Variants in NUAK2 observed in about 807,000 individuals in gnomAD.
NUAK2 encodes NUAK family kinase 2.
NUAK2 carries 20 observed loss-of-function variants against 29.8 expected under a neutral mutation model. The ratio of observed to expected loss-of-function variants is 0.67; its 90% CI spans 0.47 to 0.98. NUAK2 has a LOEUF of 0.98. Among genes scored for constraint, NUAK2 ranks in the 50% least tolerant of loss-of-function variants. The pLI, the probability that NUAK2 is intolerant of heterozygous loss-of-function variation, is 0.00. For synonymous variants in NUAK2, 331 were observed against 342.6 expected, an observed-to-expected ratio of 0.97 and a Z score of 0.37; for missense variants, 719 against 834.5, an observed-to-expected ratio of 0.86 and a Z score of 1.71.
At chr1:205,321,152 T>C (rs1309183604) in intron 1 of NUAK2, among the ~76,000 whole-genome samples, 3 of 152,224 alleles carry the variant, frequency 2.0e-5, no homozygotes, top group African/African-American at 7.2e-5. Flanking sequence ...CTCCCTTTTA[T>C]TTGGCAATCA....
At chr1:205,309,629 G>A (rs1189025418) in intron 2 of NUAK2, among the ~76,000 whole-genome samples, 1 of 152,158 alleles carries the variant, frequency 6.6e-6, no homozygotes, top group Non-Finnish European at 1.5e-5. Context: ...CCTGGCCACA[G>A]TTATGTTTAT....
intron 2 of NUAK2, 40 bp downstream of exon 2, chr1:205,311,665 A>T: frequency 6.2e-7 from 1 of 1,613,024 alleles, no homozygotes. Flanking sequence ...ACATGCACAC[A>T]CATAGACCCC....
At chr1:205,317,018 C>T (rs1269582739) in intron 1 of NUAK2, among the ~76,000 whole-genome samples, 1 of 152,204 alleles carries the variant, frequency 6.6e-6, no homozygotes, top group East Asian at 1.9e-4. Flanking sequence ...TCCCTGCCTG[C>T]CTCCCATCCC....
chr1:205,311,635 A>C (rs2102254173), intron 2 of NUAK2, 70 bp downstream of exon 2: 2 of 1,577,690 alleles, frequency 1.3e-6, no homozygotes, highest in East Asian at 4.5e-5. Context: ...TGACACATGT[A>C]CATACGCATG....
chr1:205,308,207 G>A lies in NUAK2; in HGVS notation c.528C>T (p.Leu176=). The A allele has an allele frequency of 6.2e-7, 1 of 1,607,468 alleles. No homozygotes were observed. Among genetic ancestry groups the A allele is most frequent in the East Asian group, 2.2e-5 (1 of 44,508 alleles). ...CATCCAAGAGGATGTTCTCCAGCTTGAGATCTCGGTGGACAACTCTGTTCT... is the reference window on the plus strand; with the variant it reads ...CATCCAAGAGGATGTTCTCCAGCTTAAGATCTCGGTGGACAACTCTGTTCT... The part of the protein sequence containing the change: ...CHQNRVVHRD[L]KLENILLDAN... Residue 176 remains leucine, a synonymous_variant, in exon 4 of 7, where the codon CTC becomes CTT. Transcript: ENST00000367157. This position sits in a 1 kb window ranked among gnomAD's most constrained non-coding sequence, Gnocchi z 4.1.
intron 2 of NUAK2, among the ~76,000 whole-genome samples, chr1:205,311,324 T>C (rs999114266): frequency 1.3e-5 from 2 of 152,132 alleles, no homozygotes; most frequent in African/African-American, 4.8e-5. Context: ...CTCCCCCAGA[T>C]TGCTAAGGAG....
rs528319892 is a variant in NUAK2 at position 205,309,606 on chromosome 1, G to A, written c.353-874C>T. Among the ~76,000 whole-genome samples, 13 of 152,324 alleles carry A rather than the reference G, an allele frequency of 8.5e-5. No homozygotes were observed. In the South Asian group the frequency reaches 1.5e-3, roughly 17 times the overall value. On this transcript the variant is annotated intron_variant, in intron 2 of 6. Coordinates refer to ENST00000367157, the MANE Select transcript of NUAK2 (RefSeq NM_030952.3). ...CTCCCAAAGTGCTGGGATTACAGGC[G>A]TGAGCCACCGCGCCTGGCCACAGTT... is the stretch of plus-strand genomic sequence containing the variant.
At position 205,308,245 on chromosome 1, in the gene NUAK2, G is replaced by A; in HGVS notation, c.505-15C>T. On this transcript the variant is annotated splice_polypyrimidine_tract_variant and intron_variant, in intron 3 of 6. Coordinates refer to ENST00000367157, the MANE Select transcript of NUAK2 (RefSeq NM_030952.3). The surrounding 1 kb of genome is among the most constrained non-coding windows in gnomAD (Gnocchi z 4.1). ...ACAACTCTGTTCTGAAAGAAGGAGA[G>A]GGCAGTCACGGGAAGGTCACCAGGG... 6.3e-7 allele frequency: 1 copy of A among 1,581,166 alleles called. No homozygotes were observed. The highest frequency in any genetic ancestry group is 8.6e-7 in the Non-Finnish European group (1 of 1,162,006).
chr1:205,305,444 G>A, intron 5 of NUAK2, 113 bp from the exon 6 acceptor site: 2 of 1,454,088 alleles, frequency 1.4e-6, no homozygotes, highest in Non-Finnish European at 1.8e-6. Flanking sequence ...TCCTACCCAG[G>A]GGCCAAGACG....
At position 205,308,436 on chromosome 1, in the gene NUAK2, G is replaced by T; in HGVS notation, c.504+145C>A. 1.1e-6 allele frequency: 1 copy of T among 939,684 alleles called. No homozygotes were observed. Among genetic ancestry groups the T allele is most frequent in the Non-Finnish European group, 1.6e-6 (1 of 613,136 alleles). 58.2% of individuals were successfully genotyped at this position (939,684 alleles called of 1,614,324 possible). On this transcript the variant is annotated intron_variant, in intron 3 of 6. Coordinates refer to ENST00000367157, the MANE Select transcript of NUAK2 (RefSeq NM_030952.3). This position sits in a 1 kb window ranked among gnomAD's most constrained non-coding sequence, Gnocchi z 4.1. ...GAAGGGACTCAAAGTCAGAGACACT[G>T]ACATTTCCCTGAGAGTCCAGAATCT...
At chr1:205,315,523 T>C (rs1247564531) in intron 1 of NUAK2, among the ~76,000 whole-genome samples, 1 of 152,186 alleles carries the variant, frequency 6.6e-6, no homozygotes, top group East Asian at 1.9e-4. Context: ...GACTAATTTT[T>C]AGGGACCTTT....
chr1:205,307,194 G>A (rs895702475), intron 4 of NUAK2, among the ~76,000 whole-genome samples: 4 of 152,176 alleles, frequency 2.6e-5, no homozygotes, highest in Middle Eastern at 3.2e-3. Flanking sequence ...AGAGGGTTAT[G>A]TGTATTCAGG....
intron 5 of NUAK2, 88 bp from the exon 6 acceptor site, chr1:205,305,419 A>G: frequency 1.3e-6 from 2 of 1,509,342 alleles, no homozygotes; most frequent in Non-Finnish European, 1.8e-6. Context: ...AGCACACCTG[A>G]GGACGACCCA....
In NUAK2 at chr1:205,303,604, G is replaced by A. The variant is rs148583611; in HGVS notation, c.1733C>T (p.Thr578Met). ...LRGCVSVDNL[T>M]GLEEPPSEGP... is the part of the protein sequence containing the mutation. ...CTCTGAGGGGGGCTCCTCAAGCCCC[G>A]TGAGGTTGTCCACAGACACACAGCC... Residue 578 changes from threonine to methionine, a missense_variant, in exon 7 of 7, where the codon ACG (threonine) becomes ATG (methionine). Physicochemically the swap from Thr to Met is moderately conservative, Grantham distance 81. Coordinates refer to ENST00000367157, the MANE Select transcript of NUAK2 (RefSeq NM_030952.3). 189 of 1,611,350 alleles carry A rather than the reference G, an allele frequency of 1.2e-4. No homozygotes were observed. The highest frequency in any genetic ancestry group is 2.5e-4 in the Admixed American group (15 of 59,358).
In NUAK2 at chr1:205,308,315, C is replaced by A; in HGVS notation, c.505-85G>T. On this transcript the variant is annotated intron_variant, in intron 3 of 6. Transcript: ENST00000367157. The surrounding 1 kb of genome is among the most constrained non-coding windows in gnomAD (Gnocchi z 4.1). ...CCCAGTCTGGAGACTGAGGTAAACA[C>A]AAAGGGAGCCAAGTGGGCTTGAGCA... The A allele has an allele frequency of 4.8e-6, 5 of 1,048,526 alleles. No individual in the cohort carries two copies. Among genetic ancestry groups the A allele is most frequent in the Non-Finnish European group, 7.1e-6 (5 of 708,428 alleles). The allele number at this position is 1,048,526 out of a possible 1,614,324, so 65.0% of individuals were successfully genotyped here. A position where few individuals can be genotyped will look rare whatever the true frequency, so the allele number is the denominator to read the frequency against.
chr1:205,309,338 A>C (rs940725527), intron 2 of NUAK2, among the ~76,000 whole-genome samples: 4 of 152,060 alleles, frequency 2.6e-5, no homozygotes, highest in Non-Finnish European at 4.4e-5. Context: ...TTATTTCTTT[A>C]TTTATTGAGA....
At chr1:205,313,418 G>A (rs2102256061) in intron 1 of NUAK2, among the ~76,000 whole-genome samples, 1 of 152,240 alleles carries the variant, frequency 6.6e-6, no homozygotes, top group African/African-American at 2.4e-5. Flanking sequence ...TATGTGTGGT[G>A]GGCTCAGGAA....
rs755134244 is a variant in NUAK2, at chr1:205,308,162, C to T, written c.570+3G>A. ...GCTTCTAGAAATAAGAAGTGGGACTCACCTTGATATTCCCATTGGCATCCA... is the reference window on the plus strand; with the variant it reads ...GCTTCTAGAAATAAGAAGTGGGACTTACCTTGATATTCCCATTGGCATCCA... On this transcript the variant is annotated splice_donor_region_variant and intron_variant, in intron 4 of 6. Transcript: ENST00000367157. The surrounding 1 kb of genome is among the most constrained non-coding windows in gnomAD (Gnocchi z 4.1). 2.5e-6 allele frequency: 4 copies of T among 1,595,516 alleles called. No homozygotes were observed. In the African/African-American group the frequency reaches 5.4e-5, roughly 21 times the overall value.
chr1:205,306,619 T>C (rs1662184690), intron 4 of NUAK2, among the ~76,000 whole-genome samples: 1 of 152,168 alleles, frequency 6.6e-6, no homozygotes, highest in Non-Finnish European at 1.5e-5. Flanking sequence ...CCATATCCCT[T>C]GGAAAGTCTC....
Sources: gnomAD v4.1 joint callset for allele counts (sites outside exome capture counted in the v4.1 genomes callset) on GRCh38, gnomAD v4.1.1 for gene constraint, Gnocchi (gnomAD v3.1) non-coding constraint, MANE v1.5 for transcripts, NCBI Gene and HGNC (gene_info 2026-07-23, HGNC 2026-07-21) for gene names.